The following NTRK2 variants were observed in gnomAD, a reference collection of about 807,000 sequenced individuals.
NTRK2 encodes the protein neurotrophic receptor tyrosine kinase 2, also known as BDNF/NT-3 growth factors receptor.
NTRK2 carries 13 observed loss-of-function variants against 94.5 expected under a neutral mutation model. The ratio of observed to expected loss-of-function variants is 0.14; its 90% CI spans 0.09 to 0.22. NTRK2 has a LOEUF of 0.22. Among genes scored for constraint, NTRK2 ranks in the 10% least tolerant of loss-of-function variants. The pLI, the probability that NTRK2 is intolerant of heterozygous loss-of-function variation, is 1.00. For synonymous variants in NTRK2, 372 were observed against 407.4 expected, an observed-to-expected ratio of 0.91 and a Z score of 1.05; for missense variants, 639 against 1,071.2, an observed-to-expected ratio of 0.60 and a Z score of 5.63.
intron 12 of NTRK2, among the ~76,000 whole-genome samples, chr9:84,854,085 GAAAAGAAAAGAA>G (rs1051618600): frequency 2.8e-5 from 4 of 141,690 alleles, no homozygotes; most frequent in African/African-American, 7.8e-5. Flanking sequence ...AAAAAAAAAA[GAAAAGAAAAGAA>G]AAAAGAAAAA....
chr9:84,875,832 ATCAATAGTAT>A (rs1166414544), intron 14 of NTRK2: 1 of 1,044,016 alleles, frequency 9.6e-7, no homozygotes, highest in Non-Finnish European at 1.2e-6. Flanking sequence ...GGAGGCCTCT[ATCAATAGTAT>A]GACATCCAAT....
chr9:84,820,126 A>G (rs2072692506), intron 12 of NTRK2, among the ~76,000 whole-genome samples: 1 of 151,772 alleles, frequency 6.6e-6, no homozygotes, highest in African/African-American at 2.4e-5. Context: ...TGACTGCCCC[A>G]AAACTTAACT....
chr9:84,955,317 G>C lies in NTRK2; in HGVS notation c.1972G>C (p.Gly658Arg), dbSNP rs1310111405. 6.2e-7 allele frequency: 1 copy of C among 1,609,498 alleles called. No individual in the cohort carries two copies. The highest frequency in any genetic ancestry group is 1.7e-5 in the Admixed American group (1 of 59,516). ...HGPDAVLMAE[G>R]NPPTELTQSQ... ...CCCTGATGCCGTGCTGATGGCTGAG[G>C]GCAACCCGCCCACGGAACTGACGCA... is the stretch of plus-strand genomic sequence containing the variant. The change falls in exon 17 of 19, where the codon GGC (glycine) becomes CGC (arginine). Residue 658 changes from glycine (G) to arginine (R), a missense_variant. By Grantham distance (125) the Gly-to-Arg change is moderately radical. Around this residue, in one of 5 missense-constraint regions of NTRK2, gnomAD observed 343 missense variants for 571.5 expected, o/e 0.60. Coordinates refer to ENST00000277120, the MANE Select transcript of NTRK2 (RefSeq NM_006180.6).
intron 15 of NTRK2, among the ~76,000 whole-genome samples, chr9:84,936,189 A>G (rs547015221): frequency 6.6e-6 from 1 of 152,326 alleles, no homozygotes; most frequent in Admixed American, 6.5e-5. Context: ...TAGAGCCAAC[A>G]GATTTCTCAG....
At chr9:84,709,107 G>C (rs1321690383) in intron 5 of NTRK2, among the ~76,000 whole-genome samples, 1 of 152,206 alleles carries the variant, frequency 6.6e-6, no homozygotes, top group African/African-American at 2.4e-5. Flanking sequence ...ATGGCACAGG[G>C]CCATGGGGAT....
intron 17 of NTRK2, among the ~76,000 whole-genome samples, chr9:84,968,891 C>G (rs1564512528): frequency 1.3e-5 from 2 of 152,156 alleles, no homozygotes; most frequent in Non-Finnish European, 2.9e-5. Flanking sequence ...ATTGAGTAAC[C>G]ACATCCTTGA....
At chr9:84,872,069 AG>A in intron 14 of NTRK2, 1 of 1,373,206 alleles carries the variant, frequency 7.3e-7, no homozygotes, top group Non-Finnish European at 9.4e-7. Context: ...TCGATCAATC[AG>A]GATGGCAAGA....
intron 12 of NTRK2, among the ~76,000 whole-genome samples, chr9:84,763,077 G>T (rs2065727482): frequency 1.3e-5 from 2 of 152,128 alleles, no homozygotes; most frequent in South Asian, 4.1e-4. Flanking sequence ...CAGCTTTGGG[G>T]ACATGGAAAA....
At chr9:84,783,991 G>T (rs17327806) in intron 12 of NTRK2, among the ~76,000 whole-genome samples, 3,949 of 152,250 alleles carry the variant, frequency 0.026, 76 homozygotes, top group Admixed American at 0.046. Flanking sequence ...ACTGCCACTG[G>T]GTTAGATCAA....
chr9:84,859,786 A>G (rs994022689), intron 12 of NTRK2, among the ~76,000 whole-genome samples: 4 of 152,268 alleles, frequency 2.6e-5, no homozygotes, highest in African/African-American at 9.6e-5. Context: ...TAAGAAATCC[A>G]TAGGCAGGAC....
chr9:85,010,380 T>A (rs1831429505), intron 17 of NTRK2, among the ~76,000 whole-genome samples: 1 of 152,234 alleles, frequency 6.6e-6, no homozygotes, highest in African/African-American at 2.4e-5. Context: ...AAGGGTGCAA[T>A]GCCTTTGTCT....
rs2078330637 is a variant in NTRK2 at position 84,939,494 on chromosome 9, C to G, written c.1764+5202C>G. ...GGAAATCCAACACAATGACACTTATCAAATAATATAAAGGAGTGTGTTAGT... is the reference window on the plus strand; with the variant it reads ...GGAAATCCAACACAATGACACTTATGAAATAATATAAAGGAGTGTGTTAGT... On this transcript the variant is annotated intron_variant, in intron 15 of 18. Transcript: ENST00000277120. Among the ~76,000 whole-genome samples, 3 of 152,076 alleles carry G rather than the reference C, an allele frequency of 2.0e-5. No homozygotes were observed. In the South Asian group the frequency reaches 6.2e-4, roughly 32 times the overall value.
At chr9:84,836,982 T>TAATAA (rs1564370613) in intron 12 of NTRK2, among the ~76,000 whole-genome samples, 2 of 137,022 alleles carry the variant, frequency 1.5e-5, no homozygotes, top group East Asian at 2.0e-4. Flanking sequence ...TAATATAATA[T>TAATAA]AATAATACTG....
intron 14 of NTRK2, chr9:84,873,844 C>G (rs1357815758): frequency 9.4e-7 from 1 of 1,058,268 alleles, no homozygotes; most frequent in Non-Finnish European, 1.1e-6. Context: ...ACACTCCAGT[C>G]CTAAGCTTGG....
intron 12 of NTRK2, among the ~76,000 whole-genome samples, chr9:84,836,772 C>T (rs775922298): frequency 1.1e-4 from 16 of 149,696 alleles, no homozygotes; most frequent in Non-Finnish European, 1.6e-4. Context: ...GATATTTCTG[C>T]GGTGGCACTG....
chr9:84,714,907 C>T (rs749338931), intron 6 of NTRK2, among the ~76,000 whole-genome samples: 1 of 152,134 alleles, frequency 6.6e-6, no homozygotes, highest in Non-Finnish European at 1.5e-5. Context: ...CAACAATTTG[C>T]CAACTACTGT....
At chr9:85,019,687 T>A (rs1186392188) in intron 17 of NTRK2, among the ~76,000 whole-genome samples, 1 of 152,230 alleles carries the variant, frequency 6.6e-6, no homozygotes, top group African/African-American at 2.4e-5. Flanking sequence ...ATTTGTAGAA[T>A]GAGAATAATG....
Position 84,797,643 on chromosome 9 carries a change from C to A in NTRK2, c.1396+45558C>A, listed in dbSNP as rs868380778. Among the ~76,000 whole-genome samples, 239 of 43,770 alleles carry A rather than the reference C, an allele frequency of 5.5e-3. 18 individuals carry two copies. The highest frequency in any genetic ancestry group is 0.033 in the African/African-American group (217 of 6,584). The allele number at this position is 43,770 out of a possible 152,430, so 28.7% of individuals were successfully genotyped here. A position where few individuals can be genotyped will look rare whatever the true frequency, so the allele number is the denominator to read the frequency against. ...TACTATATATTATATATTATATATA[C>A]TATAATAATATATATATTATATATT... is the stretch of plus-strand genomic sequence containing the variant. On this transcript the variant is annotated intron_variant, in intron 12 of 18. Transcript: ENST00000277120.
chr9:84,983,284 C>T (rs1450968591), intron 17 of NTRK2, among the ~76,000 whole-genome samples: 1 of 152,184 alleles, frequency 6.6e-6, no homozygotes, highest in Non-Finnish European at 1.5e-5. Flanking sequence ...CATACAACCA[C>T]TTAGGCACAG....
Sources: allele counts gnomAD v4.1 joint callset (sites outside exome capture counted in the v4.1 genomes callset), GRCh38; gene constraint gnomAD v4.1.1; regional missense constraint gnomAD v4.1.1; transcripts MANE v1.5; gene names NCBI Gene and HGNC (gene_info 2026-07-23, HGNC 2026-07-21).